KAZN: variants seen among roughly 807,000 people sequenced by gnomAD.
KAZN encodes kazrin, periplakin interacting protein, also known as kazrin.
A neutral mutation model predicts 87.4 loss-of-function variants in KAZN; 40 were observed. That is an observed-to-expected ratio of 0.46 (90% CI 0.36 to 0.60). The LOEUF (loss-of-function observed/expected upper bound fraction) is 0.60, where lower values mean the gene tolerates loss of function less well. Ranked by LOEUF, KAZN falls within the 20% of genes least tolerant of loss-of-function variation. KAZN has a pLI of 0.00. For synonymous variants in KAZN, 466 were observed against 458.3 expected (o/e 1.02, Z -0.22); for missense variants, 898 against 1,073.9 (o/e 0.84, Z 2.29).
chr1:14,792,515 T>C (rs1645705107), intron 1 of KAZN, among the ~76,000 whole-genome samples: 2 of 152,132 alleles, frequency 1.3e-5, no homozygotes, highest in Admixed American at 6.5e-5. Context: ...AGAGGGTCCC[T>C]TACCTCAACC....
At chr1:14,633,861 G>A (rs1023863037) in intron 1 of KAZN, among the ~76,000 whole-genome samples, 7 of 150,602 alleles carry the variant, frequency 4.6e-5, no homozygotes, top group Admixed American at 1.3e-4. Context: ...CAGCATTTGC[G>A]CGCGCACTCT....
intron 2 of KAZN, among the ~76,000 whole-genome samples, chr1:14,440,877 G>A (rs1323567749): frequency 2.0e-5 from 3 of 152,184 alleles, no homozygotes; most frequent in Non-Finnish European, 2.9e-5. Flanking sequence ...AAGGCATCAC[G>A]TTCAACGCAG....
chr1:14,119,167 C>A (rs1488820650), intron 1 of KAZN, among the ~76,000 whole-genome samples: 2 of 152,184 alleles, frequency 1.3e-5, no homozygotes, highest in African/African-American at 4.8e-5. Context: ...AAAAAATCTT[C>A]TTTCCCGCAT....
chr1:14,496,666 A>G (rs2148419086), intron 2 of KAZN, among the ~76,000 whole-genome samples: 1 of 152,312 alleles, frequency 6.6e-6, no homozygotes, highest in East Asian at 1.9e-4. Flanking sequence ...TGAAATTTTC[A>G]GCTCTGAAGC....
chr1:14,971,581 T>C lies in KAZN; in HGVS notation c.418+10706T>C, dbSNP rs144647875. Reference sequence around the variant, plus strand: ...AGCAGAAAAGAGGAAAAGAGTGAAATAGGGAAGAGAGGAGAAAGAGGAGAG... The same window carrying C: ...AGCAGAAAAGAGGAAAAGAGTGAAACAGGGAAGAGAGGAGAAAGAGGAGAG... On this transcript the variant is annotated intron_variant, in intron 2 of 14. Coordinates refer to ENST00000376030, the MANE Select transcript of KAZN (RefSeq NM_201628.3). Among the ~76,000 whole-genome samples the C allele has an allele frequency of 1.0e-4, 15 of 150,390 alleles. 1 individual carries two copies. The East Asian group carries it at 2.5e-3, about 26-fold the overall frequency.
intron 1 of KAZN, among the ~76,000 whole-genome samples, chr1:14,776,954 A>G (rs961662973): frequency 6.9e-6 from 1 of 144,324 alleles, no homozygotes; most frequent in Non-Finnish European, 1.5e-5. Flanking sequence ...AAAAAAAAAA[A>G]AGAGACGTCT....
intron 1 of KAZN, among the ~76,000 whole-genome samples, chr1:14,920,502 C>G (rs140502010): frequency 7.0e-4 from 107 of 152,120 alleles, no homozygotes; most frequent in African/African-American, 2.5e-3. Context: ...CAAATCCCCC[C>G]TTCCTGCTGC....
intron 2 of KAZN, among the ~76,000 whole-genome samples, chr1:14,968,227 G>A (rs888797454): frequency 3.9e-5 from 6 of 152,000 alleles, no homozygotes; most frequent in African/African-American, 7.3e-5. Context: ...TAAGGAGCAC[G>A]CAACCTGGAT....
chr1:14,844,660 A>C (rs1294568082), intron 1 of KAZN, among the ~76,000 whole-genome samples: 1 of 152,236 alleles, frequency 6.6e-6, no homozygotes, highest in African/African-American at 2.4e-5. Context: ...GAATCAGCTC[A>C]GATGATAGAG....
chr1:14,103,604 G>A (rs975755517), intron 1 of KAZN, among the ~76,000 whole-genome samples: 5 of 152,050 alleles, frequency 3.3e-5, no homozygotes, highest in African/African-American at 1.2e-4. Flanking sequence ...TTCAAAGCCG[G>A]CCTGGCCAGT....
chr1:14,695,742 G>A (rs1227030940), intron 1 of KAZN, among the ~76,000 whole-genome samples: 1 of 151,770 alleles, frequency 6.6e-6, no homozygotes, highest in Non-Finnish European at 1.5e-5. Context: ...CTGACCTCAT[G>A]ATCCACCCAT....
intron 8 of KAZN, among the ~76,000 whole-genome samples, chr1:15,075,488 G>A (rs1230099204): frequency 6.6e-6 from 1 of 152,170 alleles, no homozygotes; most frequent in East Asian, 1.9e-4. Flanking sequence ...TCACCGACTG[G>A]AAACTATTGG....
intron 1 of KAZN, among the ~76,000 whole-genome samples, chr1:14,935,489 C>T (rs1344094064): frequency 2.0e-5 from 3 of 152,186 alleles, no homozygotes; most frequent in Admixed American, 6.5e-5. Context: ...CAGCAGTGCC[C>T]GAGAACATAT....
intron 2 of KAZN, among the ~76,000 whole-genome samples, chr1:14,417,789 G>C (rs1162279946): frequency 6.6e-6 from 1 of 151,818 alleles, no homozygotes; most frequent in Non-Finnish European, 1.5e-5. Context: ...GAGGTCAGGA[G>C]ATCAAGACCA....
At chr1:13,994,063 T>A (rs974599398) in intron 1 of KAZN, among the ~76,000 whole-genome samples, 3 of 152,210 alleles carry the variant, frequency 2.0e-5, no homozygotes, top group Non-Finnish European at 2.9e-5. Flanking sequence ...AGAACTCTTC[T>A]TGGAGAACAT....
At chr1:15,076,391 G>A (rs1639755300) in intron 8 of KAZN, among the ~76,000 whole-genome samples, 1 of 152,242 alleles carries the variant, frequency 6.6e-6, no homozygotes, top group Admixed American at 6.5e-5. Flanking sequence ...TTCGGAGCTA[G>A]ATCCTGAGGC....
chr1:14,446,027 C>CA (rs34266613), intron 2 of KAZN, among the ~76,000 whole-genome samples: 43,154 of 136,882 alleles, frequency 0.32, 6,785 homozygotes, highest in Middle Eastern at 0.51. Context: ...CCCATCTCTA[C>CA]AAAAAAAAAA....
chr1:14,526,579 C>CA lies in KAZN; in HGVS notation c.250-72401dup, dbSNP rs1671877585. Reference sequence around the variant, plus strand: ...GCTGAAATTGACAAATTGAAATAGACAAAGATGTAAGTGAATATTTTTGTT... The same window carrying CA: ...GCTGAAATTGACAAATTGAAATAGACAAAAGATGTAAGTGAATATTTTTGTT... On this transcript the variant is annotated intron_variant, in intron 2 of 16. Coordinates refer to the KAZN transcript ENST00000636203. 2.6e-5 allele frequency among the ~76,000 whole-genome samples: 4 copies of CA among 152,320 alleles called. No individual in the cohort carries two copies. The South Asian group carries it at 8.3e-4, about 32-fold the overall frequency.
intron 8 of KAZN, among the ~76,000 whole-genome samples, chr1:15,093,425 C>T (rs1268293531): frequency 6.6e-6 from 1 of 151,982 alleles, no homozygotes; most frequent in Non-Finnish European, 1.5e-5. Context: ...AGGTCTGTGC[C>T]TTTCTCCGAA....
Sources: allele counts gnomAD v4.1 joint callset (sites outside exome capture counted in the v4.1 genomes callset), GRCh38; gene constraint gnomAD v4.1.1; transcripts MANE v1.5; gene names NCBI Gene and HGNC (gene_info 2026-07-23, HGNC 2026-07-21).